Variants in NCAM2 observed in about 807,000 individuals in gnomAD.
NCAM2 encodes N-CAM-2.
NCAM2 carries 30 observed loss-of-function variants against 98.1 expected under a neutral mutation model. That is an observed-to-expected ratio of 0.31 (90% CI 0.23 to 0.41). The LOEUF is 0.41. NCAM2 is among the 10% of genes least tolerant of loss of function. The probability of loss-of-function intolerance (pLI) is 1.00; values close to 1 mark genes in which losing one functional copy is unlikely to be tolerated. For synonymous variants in NCAM2, 368 were observed against 342.4 expected, an observed-to-expected ratio of 1.07 and a Z score of -0.83; for missense variants, 867 against 1,005.8, an observed-to-expected ratio of 0.86 and a Z score of 1.87.
Position 21,362,352 on chromosome 21 carries a change from T to C in NCAM2, c.1045-11511T>C, listed in dbSNP as rs371067689. On this transcript the variant is annotated intron_variant, in intron 8 of 17. Coordinates refer to ENST00000400546, the MANE Select transcript of NCAM2 (RefSeq NM_004540.5). ...TAATGGCTTTACATGATAGACCACT[T>C]TTCCATTTGCTGTGACAACCTGCTT... Among the ~76,000 whole-genome samples the C allele has an allele frequency of 1.0e-3, 152 of 152,244 alleles. 4 individuals are homozygous for C. In the South Asian group the frequency reaches 0.029, roughly 29 times the overall value.
At chr21:21,458,362 G>A (rs189912264) in intron 12 of NCAM2, among the ~76,000 whole-genome samples, 11 of 152,328 alleles carry the variant, frequency 7.2e-5, no homozygotes, top group Non-Finnish European at 1.5e-4. Flanking sequence ...CAGAGGAAGG[G>A]CCTCTTAGCA....
chr21:21,368,536 G>A (rs1298812097), intron 8 of NCAM2, among the ~76,000 whole-genome samples: 2 of 151,820 alleles, frequency 1.3e-5, no homozygotes, highest in African/African-American at 4.8e-5. Context: ...CTAGAGACTG[G>A]GAAGTCCAAA....
At chr21:21,484,607 T>TA (rs767745765) in intron 15 of NCAM2, among the ~76,000 whole-genome samples, 164 of 151,168 alleles carry the variant, frequency 1.1e-3, no homozygotes, top group Admixed American at 1.8e-3. Context: ...CCCTGAAAAT[T>TA]AAAAAAAAAT....
intron 6 of NCAM2, among the ~76,000 whole-genome samples, chr21:21,335,289 C>CTTGTGT (rs1460691560): frequency 1.3e-5 from 2 of 151,880 alleles, no homozygotes; most frequent in Non-Finnish European, 2.9e-5. Flanking sequence ...AAATGTTATT[C>CTTGTGT]TTGTGTTTAC....
At chr21:21,366,244 A>G (rs1467755523) in intron 8 of NCAM2, among the ~76,000 whole-genome samples, 3 of 152,068 alleles carry the variant, frequency 2.0e-5, no homozygotes, top group African/African-American at 7.2e-5. Flanking sequence ...TATACGTCAC[A>G]TATTGTTACA....
chr21:21,491,007 G>A (rs979762448), intron 15 of NCAM2, among the ~76,000 whole-genome samples: 7 of 151,684 alleles, frequency 4.6e-5, no homozygotes, highest in African/African-American at 1.7e-4. Context: ...TTTATTACTG[G>A]TACAGCCTTT....
chr21:21,387,176 GCACACACACA>G (rs2076286629), intron 9 of NCAM2, among the ~76,000 whole-genome samples: 3 of 125,444 alleles, frequency 2.4e-5, no homozygotes, highest in African/African-American at 9.0e-5. Flanking sequence ...TACTTGGTGC[GCACACACACA>G]TACACACACA....
intron 1 of NCAM2, among the ~76,000 whole-genome samples, chr21:21,133,932 T>C (rs2066988109): frequency 6.6e-6 from 1 of 152,156 alleles, no homozygotes; most frequent in South Asian, 2.1e-4. Flanking sequence ...ACTGGGTAGA[T>C]GGTTGTGGAT....
chr21:21,392,446 CAT>C (rs1420837199), intron 9 of NCAM2, among the ~76,000 whole-genome samples: 2 of 152,160 alleles, frequency 1.3e-5, no homozygotes, highest in African/African-American at 4.8e-5. Flanking sequence ...GAATGATTTA[CAT>C]TCCTTTGGGT....
intron 4 of NCAM2, among the ~76,000 whole-genome samples, 164 bp downstream of exon 4, chr21:21,286,576 G>T (rs1026818523): frequency 1.3e-5 from 2 of 151,686 alleles, no homozygotes; most frequent in Non-Finnish European, 2.9e-5. Context: ...TGCAATCTAG[G>T]GATCTCAGGG....
chr21:21,004,668 T>A (rs1242669841), intron 1 of NCAM2, among the ~76,000 whole-genome samples: 1 of 152,150 alleles, frequency 6.6e-6, no homozygotes, highest in African/African-American at 2.4e-5. Context: ...CACTAAGTAG[T>A]CTGAGTCCTT....
intron 15 of NCAM2, among the ~76,000 whole-genome samples, chr21:21,502,907 G>A (rs534219417): frequency 3.9e-5 from 6 of 152,078 alleles, no homozygotes; most frequent in African/African-American, 1.4e-4. Context: ...ACCTGGAGAA[G>A]ATGATACATG....
intron 1 of NCAM2, among the ~76,000 whole-genome samples, chr21:21,222,976 G>T (rs555116589): frequency 2.0e-5 from 3 of 152,114 alleles, no homozygotes; most frequent in Non-Finnish European, 2.9e-5. Flanking sequence ...ACCACTCTCT[G>T]ATCAGTCTGC....
At chr21:21,311,267 GC>G (rs1445533431) in intron 5 of NCAM2, among the ~76,000 whole-genome samples, 1 of 151,462 alleles carries the variant, frequency 6.6e-6, no homozygotes, top group African/African-American at 2.4e-5. Context: ...ACATCAATAT[GC>G]TTTTGTTAAA....
At chr21:21,425,729 GAA>G (rs1388350372) in intron 11 of NCAM2, among the ~76,000 whole-genome samples, 1 of 152,084 alleles carries the variant, frequency 6.6e-6, no homozygotes, top group African/African-American at 2.4e-5. Flanking sequence ...CAAATATTGT[GAA>G]AAAGTCTAAA....
chr21:21,035,077 A>C (rs1235574653), intron 1 of NCAM2, among the ~76,000 whole-genome samples: 1 of 152,168 alleles, frequency 6.6e-6, no homozygotes, highest in African/African-American at 2.4e-5. Context: ...CAGACCTGTC[A>C]AAAAGTAGCA....
intron 1 of NCAM2, among the ~76,000 whole-genome samples, chr21:21,117,051 A>G (rs1365976037): frequency 6.6e-6 from 1 of 152,194 alleles, no homozygotes. Flanking sequence ...TCAGTGTACA[A>G]TATGATGATT....
chr21:21,468,131 AAC>A (rs1256014604), intron 13 of NCAM2, among the ~76,000 whole-genome samples: 1 of 151,974 alleles, frequency 6.6e-6, no homozygotes. Context: ...GAAATATTGA[AAC>A]ACAGGTCTAT....
intron 1 of NCAM2, among the ~76,000 whole-genome samples, chr21:21,272,403 A>G (rs940699651): frequency 6.6e-5 from 10 of 152,190 alleles, no homozygotes; most frequent in African/African-American, 2.4e-4. Context: ...CCTACACCAA[A>G]TATACTGAAT....
Sources: allele counts gnomAD v4.1 joint callset (sites outside exome capture counted in the v4.1 genomes callset), GRCh38; gene constraint gnomAD v4.1.1; transcripts MANE v1.5; gene names NCBI Gene and HGNC (gene_info 2026-07-23, HGNC 2026-07-21).